The following PTCHD4 variants were observed in gnomAD, a reference collection of about 807,000 sequenced individuals.
The protein encoded by PTCHD4 is patched domain containing 4.
A neutral mutation model predicts 58.1 loss-of-function variants in PTCHD4; 33 were observed. The observed-to-expected ratio is 0.57, with a 90% CI of 0.43 to 0.76. PTCHD4 has a LOEUF of 0.76. Ranked by LOEUF, PTCHD4 falls within the 30% of genes least tolerant of loss-of-function variation. The probability of loss-of-function intolerance (pLI) is 0.00; values close to 1 mark genes in which losing one functional copy is unlikely to be tolerated. For synonymous variants in PTCHD4, 478 were observed against 409.6 expected, an observed-to-expected ratio of 1.17 and a Z score of -2.02; for missense variants, 1,058 against 1,027.1, an observed-to-expected ratio of 1.03 and a Z score of -0.41.
intron 1 of PTCHD4, among the ~76,000 whole-genome samples, chr6:48,071,961 A>C (rs1203407286): frequency 6.6e-6 from 1 of 152,208 alleles, no homozygotes; most frequent in Non-Finnish European, 1.5e-5. Context: ...CAGAAAGGTA[A>C]AGTGCCATTT....
intron 1 of PTCHD4, among the ~76,000 whole-genome samples, chr6:48,070,273 G>C (rs948664938): frequency 1.3e-5 from 2 of 152,090 alleles, no homozygotes; most frequent in African/African-American, 4.8e-5. Context: ...TGAGTTTCAA[G>C]AGATGTTCTG....
intron 3 of PTCHD4, among the ~76,000 whole-genome samples, chr6:48,066,923 T>A (rs1167512178): frequency 1.3e-5 from 2 of 152,232 alleles, no homozygotes; most frequent in Admixed American, 6.5e-5. Context: ...AAGGTTTTTT[T>A]TTTTAATGTA....
At chr6:47,928,712 T>C (rs1381750753) in intron 4 of PTCHD4, among the ~76,000 whole-genome samples, 3 of 152,208 alleles carry the variant, frequency 2.0e-5, no homozygotes, top group African/African-American at 7.2e-5. Flanking sequence ...TATTATTTTG[T>C]AGCAATTCCT....
At position 47,874,350 on chromosome 6, in the gene PTCHD4, T is replaced by G. The variant is rs145422271; in HGVS notation, c.*3953A>C. ...TGATGTAAGAAATTTTAATAAAAGT[T>G]GCAATAACCCTGAAAATAGTGTCTT... On this transcript the variant is annotated 3_prime_UTR_variant, in exon 5 of 5. Coordinates refer to ENST00000339488, the MANE Select transcript of PTCHD4 (RefSeq NM_001384253.1). 8.7e-4 allele frequency among the ~76,000 whole-genome samples: 132 copies of G among 151,812 alleles called. No homozygotes were observed. In the Middle Eastern group the frequency reaches 0.014, roughly 16 times the overall value.
chr6:48,026,634 C>T (rs1039153437), intron 3 of PTCHD4, among the ~76,000 whole-genome samples: 1 of 152,044 alleles, frequency 6.6e-6, no homozygotes, highest in African/African-American at 2.4e-5. Context: ...CTTTAGGTCC[C>T]CTATGCTCCA....
chr6:48,108,074 G>A (rs999678248), intron 1 of PTCHD4, among the ~76,000 whole-genome samples: 4 of 152,024 alleles, frequency 2.6e-5, no homozygotes, highest in Non-Finnish European at 5.9e-5. Flanking sequence ...CTAGAAATAC[G>A]ATTTGACCCA....
At chr6:47,963,157 A>G (rs112553524) in intron 4 of PTCHD4, among the ~76,000 whole-genome samples, 45 of 151,976 alleles carry the variant, frequency 3.0e-4, no homozygotes, top group Middle Eastern at 3.4e-3. Context: ...ATAAATAAAT[A>G]AAAAAGAAAA....
rs183313523 is a variant in PTCHD4 at position 48,067,484 on chromosome 6, C to T, written c.417+746G>A. Among the ~76,000 whole-genome samples, 238 of 152,238 alleles carry T rather than the reference C, an allele frequency of 1.6e-3. 1 individual carries two copies. The highest frequency in any genetic ancestry group is 4.1e-3 in the Admixed American group (63 of 15,300). ...AGGTGCACATTCCTATTTTTATACA[C>T]AGAAAATTCCTGCTTCGTTTGCTAT... is the stretch of plus-strand genomic sequence containing the variant. On this transcript the variant is annotated intron_variant, in intron 3 of 4. Coordinates refer to ENST00000339488, the MANE Select transcript of PTCHD4 (RefSeq NM_001384253.1).
chr6:48,085,753 T>G (rs1765251481), intron 1 of PTCHD4, among the ~76,000 whole-genome samples: 1 of 152,202 alleles, frequency 6.6e-6, no homozygotes, highest in African/African-American at 2.4e-5. Context: ...TGTATTTCAT[T>G]TTTTGAAGAA....
At chr6:47,911,536 A>G (rs1765068348) in intron 4 of PTCHD4, among the ~76,000 whole-genome samples, 1 of 152,126 alleles carries the variant, frequency 6.6e-6, no homozygotes, top group Non-Finnish European at 1.5e-5. Flanking sequence ...ACACAGTACA[A>G]TGAAGTTGGA....
intron 1 of PTCHD4, among the ~76,000 whole-genome samples, chr6:48,087,025 TAGCA>T (rs1208939027): frequency 1.3e-5 from 2 of 152,194 alleles, no homozygotes; most frequent in African/African-American, 2.4e-5. Flanking sequence ...TAGAGAAGCC[TAGCA>T]CTTAAAACAC....
intron 4 of PTCHD4, among the ~76,000 whole-genome samples, chr6:47,914,941 G>GTTCT (rs781039626): frequency 6.6e-6 from 1 of 152,170 alleles, no homozygotes; most frequent in South Asian, 2.1e-4. Context: ...TTATCATAAT[G>GTTCT]TTCTTTCTTC....
At chr6:48,103,067 G>T (rs1765642216) in intron 1 of PTCHD4, among the ~76,000 whole-genome samples, 1 of 152,214 alleles carries the variant, frequency 6.6e-6, no homozygotes, top group Admixed American at 6.5e-5. Context: ...AACCTCTGCA[G>T]TCTTAAATGT....
chr6:48,106,858 CA>C (rs1475422468), intron 1 of PTCHD4, among the ~76,000 whole-genome samples: 1 of 150,662 alleles, frequency 6.6e-6, no homozygotes, highest in African/African-American at 2.4e-5. Context: ...ACAATTGCTT[CA>C]AAAGAATAAA....
At chr6:47,899,737 A>G (rs1465581347) in intron 4 of PTCHD4, 3 of 193,262 alleles carry the variant, frequency 1.6e-5, no homozygotes, top group Non-Finnish European at 2.8e-5. Context: ...AGAACATTTC[A>G]TCAACCTGAA....
chr6:47,891,570 C>A (rs530830274), intron 4 of PTCHD4, among the ~76,000 whole-genome samples: 1 of 152,156 alleles, frequency 6.6e-6, no homozygotes, highest in Non-Finnish European at 1.5e-5. Flanking sequence ...GTATTTTCTC[C>A]ATCTAGGTAT....
intron 3 of PTCHD4, among the ~76,000 whole-genome samples, chr6:48,010,393 T>C (rs1003490345): frequency 4.6e-5 from 7 of 152,172 alleles, no homozygotes; most frequent in Non-Finnish European, 1.0e-4. Flanking sequence ...TTATGTACTC[T>C]AGCAGACACA....
chr6:48,098,124 C>T (rs1243209933), intron 1 of PTCHD4, among the ~76,000 whole-genome samples: 1 of 152,006 alleles, frequency 6.6e-6, no homozygotes, highest in Non-Finnish European at 1.5e-5. Context: ...AGGAAAAGCC[C>T]AGGAGCAAAA....
At chr6:47,882,429 C>T (rs1028064697) in intron 4 of PTCHD4, among the ~76,000 whole-genome samples, 2 of 151,830 alleles carry the variant, frequency 1.3e-5, no homozygotes, top group Admixed American at 6.6e-5. Context: ...TTGGAGATGG[C>T]GTGTTTTATC....
Sources: gnomAD v4.1 joint callset for allele counts (sites outside exome capture counted in the v4.1 genomes callset) on GRCh38, gnomAD v4.1.1 for gene constraint, MANE v1.5 for transcripts, NCBI Gene and HGNC (gene_info 2026-07-23, HGNC 2026-07-21) for gene names.